SUMF1: variants seen among roughly 807,000 people sequenced by gnomAD.
The protein encoded by SUMF1 is sulfatase modifying factor 1.
Under a neutral mutation model 47.6 loss-of-function variants are expected in SUMF1, and 48 were observed. That is an observed-to-expected ratio of 1.01 (90% CI 0.80 to 1.28). The LOEUF (loss-of-function observed/expected upper bound fraction) is 1.28. SUMF1 is among the 50% of genes most tolerant of loss of function. The pLI is 0.00. For missense variants in SUMF1, 571 were observed against 485.4 expected (o/e 1.18, Z -1.66); for synonymous variants, 230 against 192.1 (o/e 1.20, Z -1.63).
chr3:4,401,876 G>GA (rs1257906473), intron 7 of SUMF1, among the ~76,000 whole-genome samples: 1 of 152,086 alleles, frequency 6.6e-6, no homozygotes, highest in Non-Finnish European at 1.5e-5. Flanking sequence ...GATACACTGT[G>GA]AAAAGGTAAC....
At chr3:4,262,979 A>G (rs1182343407) in intron 8 of SUMF1, among the ~76,000 whole-genome samples, 8 of 152,190 alleles carry the variant, frequency 5.3e-5, no homozygotes, top group Non-Finnish European at 1.2e-4. Flanking sequence ...TAGCTCTATG[A>G]GAGGGGGCAA....
intron 8 of SUMF1, among the ~76,000 whole-genome samples, chr3:4,184,153 A>AG: frequency 6.6e-6 from 1 of 151,642 alleles, no homozygotes; most frequent in South Asian, 2.1e-4. Context: ...ATTAAAAAAA[A>AG]AAAAGAAAAA....
intron 8 of SUMF1, among the ~76,000 whole-genome samples, chr3:4,114,263 T>A (rs17039927): frequency 0.05 from 7,634 of 152,176 alleles, 526 homozygotes; most frequent in East Asian, 0.16. Flanking sequence ...CAGAGTTTGC[T>A]ATGGCAGAAT....
At chr3:4,412,552 G>A (rs1701577473) in intron 6 of SUMF1, among the ~76,000 whole-genome samples, 1 of 152,150 alleles carries the variant, frequency 6.6e-6, no homozygotes, top group African/African-American at 2.4e-5. Flanking sequence ...GTTATTTCAG[G>A]AATACAAGGA....
intron 6 of SUMF1, among the ~76,000 whole-genome samples, chr3:4,411,268 G>A (rs1410017532): frequency 1.3e-5 from 2 of 152,106 alleles, no homozygotes; most frequent in Non-Finnish European, 2.9e-5. Flanking sequence ...TCAAAAATTT[G>A]TGTCAAACAT....
intron 8 of SUMF1, among the ~76,000 whole-genome samples, chr3:4,165,624 AGG>A (rs1391051996): frequency 1.1e-4 from 17 of 152,090 alleles, no homozygotes; most frequent in Non-Finnish European, 2.4e-4. Context: ...CTTACAGAAA[AGG>A]TCAAGCTGCA....
chr3:4,050,742 C>A (rs1314917771), intron 9 of SUMF1, among the ~76,000 whole-genome samples: 3 of 104,368 alleles, frequency 2.9e-5, no homozygotes, highest in Non-Finnish European at 5.3e-5. Context: ...GAGTGAGACC[C>A]TGTCTCAAAA....
At chr3:4,347,619 G>A (rs1049423970) in intron 8 of SUMF1, among the ~76,000 whole-genome samples, 1 of 152,176 alleles carries the variant, frequency 6.6e-6, no homozygotes, top group African/African-American at 2.4e-5. Flanking sequence ...TTGAAAACCA[G>A]TACAAGACAA....
intron 8 of SUMF1, among the ~76,000 whole-genome samples, chr3:4,143,839 G>C (rs900039122): frequency 1.3e-5 from 2 of 152,090 alleles, no homozygotes. Flanking sequence ...GAGCTAGTTA[G>C]AATTGTGGAA....
At chr3:4,068,397 A>G (rs2125033135) in intron 9 of SUMF1, among the ~76,000 whole-genome samples, 1 of 152,310 alleles carries the variant, frequency 6.6e-6, no homozygotes, top group Admixed American at 6.5e-5. Flanking sequence ...TTTAAATTTG[A>G]GCCACATTTT....
intron 7 of SUMF1, among the ~76,000 whole-genome samples, chr3:4,394,830 C>G (rs901229003): frequency 6.6e-6 from 1 of 152,188 alleles, no homozygotes; most frequent in Non-Finnish European, 1.5e-5. Context: ...ATGAAGAGCA[C>G]TAGCTTCTCC....
At chr3:4,183,431 T>C (rs1695137216) in intron 8 of SUMF1, among the ~76,000 whole-genome samples, 1 of 152,198 alleles carries the variant, frequency 6.6e-6, no homozygotes, top group Admixed American at 6.5e-5. Flanking sequence ...TTTCTTATTA[T>C]ATAATTACTC....
chr3:4,052,299 A>G (rs1301447138), intron 9 of SUMF1, among the ~76,000 whole-genome samples: 3 of 152,174 alleles, frequency 2.0e-5, no homozygotes, highest in Non-Finnish European at 4.4e-5. Context: ...CACCTTCCAA[A>G]GGCCTTCCAG....
rs1462424527 is a variant in SUMF1, at chr3:4,137,722, T to C, written c.1015-68977A>G. ...ACTAACATCATACTTAATGAAAGAC[T>C]GAAGCTTTTCCTTTCACATCCAGAA... On this transcript the variant is annotated intron_variant and NMD_transcript_variant, in intron 8 of 12. Transcript: ENST00000448413. Among the ~76,000 whole-genome samples, 3 of 152,234 alleles carry C rather than the reference T, an allele frequency of 2.0e-5. 1 individual carries two copies. Among genetic ancestry groups the C allele is most frequent in the South Asian group, 4.1e-4 (2 of 4,828 alleles).
Position 4,431,282 on chromosome 3 carries a change from CTGAT to C in SUMF1, c.520-11140_520-11137del, listed in dbSNP as rs532675417. 6.6e-5 allele frequency among the ~76,000 whole-genome samples: 10 copies of C among 152,360 alleles called. No individual in the cohort carries two copies. In the East Asian group the frequency reaches 1.4e-3, roughly 21 times the overall value. On this transcript the variant is annotated intron_variant, in intron 3 of 8. Transcript: ENST00000272902. ...GCCTTCCCATTTGGCACACTTTCCT[CTGAT>C]TGATCCCCATCCTTCACTAATTTTA...
At position 4,164,475 on chromosome 3, in the gene SUMF1, G is replaced by T. The variant is rs780705045; in HGVS notation, c.1015-95730C>A. Among the ~76,000 whole-genome samples the T allele has an allele frequency of 2.3e-4, 35 of 152,176 alleles. 1 individual carries two copies. The highest frequency in any genetic ancestry group is 4.3e-4 in the Non-Finnish European group (29 of 68,044). ...CCTCTGGGGCAGTGCGCCTTCCAGTGATTGCCTTGGCATAGTGGACATGGG... is the reference window on the plus strand; with the variant it reads ...CCTCTGGGGCAGTGCGCCTTCCAGTTATTGCCTTGGCATAGTGGACATGGG... On this transcript the variant is annotated intron_variant and NMD_transcript_variant, in intron 8 of 12. Coordinates refer to the SUMF1 transcript ENST00000448413.
At chr3:4,426,448 C>T (rs1702069722) in intron 3 of SUMF1, among the ~76,000 whole-genome samples, 1 of 152,230 alleles carries the variant, frequency 6.6e-6, no homozygotes, top group South Asian at 2.1e-4. Flanking sequence ...CCCATCCAAA[C>T]TCACTAGACG....
At chr3:4,152,958 C>G (rs1193664280) in intron 8 of SUMF1, among the ~76,000 whole-genome samples, 4 of 151,506 alleles carry the variant, frequency 2.6e-5, no homozygotes, top group African/African-American at 9.8e-5. Flanking sequence ...CTTGCAGTCT[C>G]CACCCAACAC....
At chr3:4,406,121 A>G (rs146816702) in intron 7 of SUMF1, among the ~76,000 whole-genome samples, 1 of 152,218 alleles carries the variant, frequency 6.6e-6, no homozygotes, top group East Asian at 1.9e-4. Flanking sequence ...AAGCAATATT[A>G]TAATTAGATA....
Sources: gnomAD v4.1 joint callset for allele counts (sites outside exome capture counted in the v4.1 genomes callset) on GRCh38, gnomAD v4.1.1 for gene constraint, MANE v1.5 for transcripts, NCBI Gene and HGNC (gene_info 2026-07-23, HGNC 2026-07-21) for gene names.